PLCB1: variants seen among roughly 807,000 people sequenced by gnomAD.
PLCB1 encodes 1-phosphatidylinositol 4,5-bisphosphate phosphodiesterase beta-1.
In PLCB1, 46 loss-of-function variants were observed where a neutral mutation model predicts 161.8. The ratio of observed to expected loss-of-function variants is 0.28; its 90% confidence interval spans 0.22 to 0.36. The LOEUF (loss-of-function observed/expected upper bound fraction) is 0.36. Ranked by LOEUF, PLCB1 falls within the 10% of genes least tolerant of loss-of-function variation. PLCB1 has a pLI of 1.00. For missense variants in PLCB1, 1,016 were observed against 1,472.5 expected (o/e 0.69, Z 5.07); for synonymous variants, 517 against 503.7 (o/e 1.03, Z -0.35).
chr20:8,706,526 GTATT>G (rs1358791008), intron 11 of PLCB1, among the ~76,000 whole-genome samples: 3 of 152,178 alleles, frequency 2.0e-5, no homozygotes, highest in African/African-American at 7.2e-5. Flanking sequence ...TGGCTCTACT[GTATT>G]TATCCTTTAC....
In PLCB1 at chr20:8,352,594, TAATATC is replaced by T. The variant is rs1161342921; in HGVS notation, c.178-18787_178-18782del. Among the ~76,000 whole-genome samples the T allele has an allele frequency of 2.6e-5, 4 of 152,124 alleles. No homozygotes were observed. In the East Asian group the frequency reaches 7.7e-4, roughly 29 times the overall value. On this transcript the variant is annotated intron_variant, in intron 2 of 31. Transcript: ENST00000338037. ...AGGATGGAAAGCAGATTGTGACAAATAATATCTATATTATAAATATAGACAACAACC... is the reference window on the plus strand; with the variant it reads ...AGGATGGAAAGCAGATTGTGACAAATTATATTATAAATATAGACAACAACC...
chr20:8,142,663 G>A (rs111316002), intron 1 of PLCB1, among the ~76,000 whole-genome samples: 24 of 152,304 alleles, frequency 1.6e-4, no homozygotes, highest in African/African-American at 5.8e-4. Context: ...AGCGTTGGGA[G>A]TGACAGAACA....
intron 3 of PLCB1, among the ~76,000 whole-genome samples, chr20:8,541,609 G>GAAAGAAAGAAAGAAAAAAGA (rs1192850084): frequency 3.5e-5 from 2 of 57,766 alleles, no homozygotes; most frequent in African/African-American, 1.7e-4. Flanking sequence ...AGAAAGAAAG[G>GAAAGAAAGAAAGAAAAAAGA]AAGGAAGATA....
chr20:8,519,630 G>T (rs2122878119), intron 3 of PLCB1, among the ~76,000 whole-genome samples: 1 of 152,172 alleles, frequency 6.6e-6, no homozygotes, highest in East Asian at 1.9e-4. Context: ...GTAAATAAAG[G>T]CAGGAGACAC....
intron 26 of PLCB1, among the ~76,000 whole-genome samples, chr20:8,770,392 A>G (rs1477438913): frequency 6.6e-6 from 1 of 152,258 alleles, no homozygotes; most frequent in Non-Finnish European, 1.5e-5. Flanking sequence ...AGCTTGGCCT[A>G]AAACTTCTCC....
intron 3 of PLCB1, among the ~76,000 whole-genome samples, chr20:8,620,411 C>T (rs1988147350): frequency 6.6e-6 from 1 of 152,006 alleles, no homozygotes. Flanking sequence ...CACATTTCTT[C>T]AAACGACAGA....
At chr20:8,871,642 C>G (rs1258612113) in intron 31 of PLCB1, among the ~76,000 whole-genome samples, 1 of 152,094 alleles carries the variant, frequency 6.6e-6, no homozygotes, top group Non-Finnish European at 1.5e-5. Context: ...TCAGAGTGTT[C>G]AAAATACCAT....
chr20:8,437,662 T>TA (rs1458322303), intron 3 of PLCB1, among the ~76,000 whole-genome samples: 2 of 152,176 alleles, frequency 1.3e-5, no homozygotes, highest in Non-Finnish European at 2.9e-5. Flanking sequence ...TTTGTACTTA[T>TA]ATGAACATTT....
intron 2 of PLCB1, among the ~76,000 whole-genome samples, chr20:8,216,777 T>A (rs116796145): frequency 8.1e-4 from 124 of 152,242 alleles, no homozygotes; most frequent in African/African-American, 2.9e-3. Context: ...TTGCTATAGA[T>A]GAACATAAAA....
intron 3 of PLCB1, among the ~76,000 whole-genome samples, chr20:8,372,436 C>T (rs1600351583): frequency 6.6e-6 from 1 of 152,128 alleles, no homozygotes; most frequent in Non-Finnish European, 1.5e-5. Context: ...AGCAAACACA[C>T]GGCTGCTGGG....
At chr20:8,173,472 C>A (rs1225911326) in intron 2 of PLCB1, among the ~76,000 whole-genome samples, 1 of 152,168 alleles carries the variant, frequency 6.6e-6, no homozygotes, top group African/African-American at 2.4e-5. Flanking sequence ...GGTGGAATGA[C>A]AACCCACAAA....
intron 9 of PLCB1, among the ~76,000 whole-genome samples, chr20:8,669,934 T>C (rs900667390): frequency 4.2e-4 from 64 of 152,230 alleles, no homozygotes; most frequent in African/African-American, 1.5e-3. Flanking sequence ...TCAAGGAACA[T>C]AACATTCTGG....
At chr20:8,672,741 C>T (rs73597543) in intron 9 of PLCB1, among the ~76,000 whole-genome samples, 2,891 of 152,136 alleles carry the variant, frequency 0.019, 108 homozygotes, top group African/African-American at 0.065. Context: ...GAGAGAATTA[C>T]GTGCTGAGGA....
At chr20:8,724,892 G>A in intron 16 of PLCB1, 140 bp downstream of exon 16, 1 of 591,942 alleles carries the variant, frequency 1.7e-6, no homozygotes, top group Non-Finnish European at 3.0e-6. Flanking sequence ...CATTTTGACT[G>A]CCTTGTTACT....
In PLCB1 at chr20:8,658,531, T is replaced by A; in HGVS notation, c.696-7T>A. On this transcript the variant is annotated splice_polypyrimidine_tract_variant and splice_region_variant and intron_variant, in intron 8 of 31. Transcript: ENST00000338037. ...ATTCTTATTGCTTGGTTTTTCATTG[T>A]TTTTAGTGGTGCAAAAAGCAAACCA... 6.3e-7 allele frequency: 1 copy of A among 1,584,170 alleles called. No individual in the cohort carries two copies. The highest frequency in any genetic ancestry group is 2.3e-5 in the East Asian group (1 of 44,378).
At chr20:8,780,808 A>G (rs982098841) in intron 27 of PLCB1, among the ~76,000 whole-genome samples, 4 of 152,168 alleles carry the variant, frequency 2.6e-5, no homozygotes, top group Admixed American at 6.5e-5. Context: ...TCACTGCATG[A>G]CCACCTGAAT....
Position 8,724,763 on chromosome 20 carries a change from C to T in PLCB1, c.1678+11C>T, listed in dbSNP as rs372882760. 2 of 1,492,714 alleles carry T rather than the reference C, an allele frequency of 1.3e-6. No homozygotes were observed. The highest frequency in any genetic ancestry group is 1.9e-6 in the Non-Finnish European group (2 of 1,071,406). 92.5% of individuals were successfully genotyped at this position (1,492,714 alleles called of 1,614,324 possible). On this transcript the variant is annotated intron_variant, in intron 16 of 31. Transcript: ENST00000338037. ...TTGAAATTTCAAAAAGTAAGTTTTCCCTGGAGAAAAACCCCTCTTGCAGCA... is the reference window on the plus strand; with the variant it reads ...TTGAAATTTCAAAAAGTAAGTTTTCTCTGGAGAAAAACCCCTCTTGCAGCA...
chr20:8,420,129 A>C (rs909561397), intron 3 of PLCB1, among the ~76,000 whole-genome samples: 2 of 152,190 alleles, frequency 1.3e-5, no homozygotes, highest in African/African-American at 4.8e-5. Flanking sequence ...TAATTTCCTT[A>C]CCTGTAAAAT....
At chr20:8,185,611 A>G (rs925492179) in intron 2 of PLCB1, among the ~76,000 whole-genome samples, 1 of 151,616 alleles carries the variant, frequency 6.6e-6, no homozygotes, top group Non-Finnish European at 1.5e-5. Context: ...AACACTTTAT[A>G]TATAAACACT....
Sources: gnomAD v4.1 joint callset for allele counts (sites outside exome capture counted in the v4.1 genomes callset) on GRCh38, gnomAD v4.1.1 for gene constraint, MANE v1.5 for transcripts, NCBI Gene and HGNC (gene_info 2026-07-23, HGNC 2026-07-21) for gene names.